The following BCL2L14 variants were observed in gnomAD, a reference collection of about 807,000 sequenced individuals.
BCL2L14 encodes the protein apoptosis facilitator Bcl-2-like protein 14.
A neutral mutation model predicts 35.3 loss-of-function variants in BCL2L14; 27 were observed. The observed-to-expected ratio is 0.76, with a 90% confidence interval of 0.56 to 1.05. The LOEUF is 1.05. BCL2L14 is among the 50% of genes least tolerant of loss of function. The pLI is 0.00. For synonymous variants in BCL2L14, 139 were observed against 145.9 expected (o/e 0.95, Z 0.34); for missense variants, 377 against 382.6 (o/e 0.99, Z 0.12).
At chr12:12,090,650 A>C (rs999305801) in intron 3 of BCL2L14, 129 bp from the exon 4 acceptor site, 2 of 560,362 alleles carry the variant, frequency 3.6e-6, no homozygotes, top group Non-Finnish European at 6.0e-6. Context: ...AAAAAATAAA[A>C]AAAAAAAAAA....
intron 2 of BCL2L14, among the ~76,000 whole-genome samples, chr12:12,060,200 C>A (rs1468359948): frequency 2.0e-5 from 3 of 151,336 alleles, no homozygotes; most frequent in Non-Finnish European, 1.5e-5. Context: ...CCATGACTAG[C>A]CCTCCCCCTC....
At chr12:12,089,657 C>T (rs944693494) in intron 3 of BCL2L14, among the ~76,000 whole-genome samples, 9 of 152,264 alleles carry the variant, frequency 5.9e-5, no homozygotes, top group Non-Finnish European at 1.2e-4. Context: ...AAGATCGTGC[C>T]ACTGCACTCC....
chr12:12,076,501 T>C (rs1948784129), intron 1 of BCL2L14, among the ~76,000 whole-genome samples: 1 of 152,108 alleles, frequency 6.6e-6, no homozygotes, highest in African/African-American at 2.4e-5. Context: ...TTTGCTTACA[T>C]CCAGTTATGT....
intron 2 of BCL2L14, among the ~76,000 whole-genome samples, chr12:12,063,477 G>A (rs2618367): frequency 0.82 from 120,509 of 146,514 alleles, 49,701 homozygotes; most frequent in East Asian, 0.92. Flanking sequence ...TCTTCTAACA[G>A]CCCCACAATA....
chr12:12,096,445 AAAAC>A lies in BCL2L14; in HGVS notation c.945+1518_945+1521del, dbSNP rs200347478. Among the ~76,000 whole-genome samples, 634 of 143,190 alleles carry A rather than the reference AAAAC, an allele frequency of 4.4e-3. 6 individuals carry two copies. The highest frequency in any genetic ancestry group is 7.3e-3 in the Non-Finnish European group (472 of 64,260). 93.9% of individuals were successfully genotyped at this position (143,190 alleles called of 152,430 possible). A position where few individuals can be genotyped will look rare whatever the true frequency, so the allele number is the denominator to read the frequency against. ...CCACCAAGAATGTGAAAAAAAAAAA[AAAAC>A]AACCCACAGAATGGGGAAAAATACT... On this transcript the variant is annotated intron_variant, in intron 5 of 5. Coordinates refer to ENST00000308721, the MANE Select transcript of BCL2L14 (RefSeq NM_138723.2).
At chr12:12,073,370 G>A (rs7308782) in intron 1 of BCL2L14, among the ~76,000 whole-genome samples, 21,488 of 151,904 alleles carry the variant, frequency 0.14, 1,536 homozygotes, top group Admixed American at 0.18. Context: ...TTTGCCTGTC[G>A]ACTGGGCCAA....
intron 3 of BCL2L14, among the ~76,000 whole-genome samples, chr12:12,089,154 G>C (rs1304851266): frequency 1.3e-5 from 2 of 152,186 alleles, no homozygotes; most frequent in African/African-American, 4.8e-5. Flanking sequence ...ATCGCCTGAG[G>C]TCAGGCGTTC....
chr12:12,089,670 C>T (rs1949133519), intron 3 of BCL2L14, among the ~76,000 whole-genome samples: 1 of 152,194 alleles, frequency 6.6e-6, no homozygotes, highest in South Asian at 2.1e-4. Flanking sequence ...TGCACTCCAG[C>T]CTGGGTGACA....
At chr12:12,091,825 G>C (rs887412135) in intron 4 of BCL2L14, among the ~76,000 whole-genome samples, 3 of 152,164 alleles carry the variant, frequency 2.0e-5, no homozygotes, top group Non-Finnish European at 4.4e-5. Context: ...AGATGGAACA[G>C]GATCATGATT....
intron 2 of BCL2L14, among the ~76,000 whole-genome samples, chr12:12,085,348 A>T (rs951678216): frequency 6.6e-6 from 1 of 152,208 alleles, no homozygotes; most frequent in Non-Finnish European, 1.5e-5. Flanking sequence ...TCTCCTGAGG[A>T]CATGGCCAGG....
chr12:12,094,669 G>T lies in BCL2L14; in HGVS notation c.684G>T (p.Lys228Asn). The T allele has an allele frequency of 6.2e-7, 1 of 1,614,186 alleles. No homozygotes were observed. Among genetic ancestry groups the T allele is most frequent in the Non-Finnish European group, 8.5e-7 (1 of 1,180,024 alleles). Reference protein sequence around the residue: ...YSGDQLERKLKKDKALMGHFQ... With the variant: ...YSGDQLERKLNKDKALMGHFQ... ...GCTTATTCTTTTGTACACAGCTGAAGAAAGATAAGGCTTTGATGGGCCACT... is the reference window on the plus strand; with the variant it reads ...GCTTATTCTTTTGTACACAGCTGAATAAAGATAAGGCTTTGATGGGCCACT... Residue 228 changes from lysine to asparagine, a missense_variant, in exon 5 of 6, where the codon AAG becomes AAT. Transcript: ENST00000308721.
chr12:12,053,576 A>C (rs1187524343), intron 2 of BCL2L14, among the ~76,000 whole-genome samples: 1 of 152,094 alleles, frequency 6.6e-6, no homozygotes, highest in Non-Finnish European at 1.5e-5. Context: ...ATGTGCCACC[A>C]CACCCGGCTA....
upstream of BCL2L14, among the ~76,000 whole-genome samples, chr12:12,068,835 G>A (rs1444692015): frequency 6.6e-6 from 1 of 152,088 alleles, no homozygotes; most frequent in Non-Finnish European, 1.5e-5. Context: ...AATAAAAGGG[G>A]GGCTACTCCA....
At chr12:12,065,021 G>C (rs991180913) in intron 2 of BCL2L14, among the ~76,000 whole-genome samples, 1 of 152,204 alleles carries the variant, frequency 6.6e-6, no homozygotes, top group Non-Finnish European at 1.5e-5. Flanking sequence ...CAGGTATAGG[G>C]GAGAAGAAAA....
intron 1 of BCL2L14, among the ~76,000 whole-genome samples, chr12:12,078,824 G>A (rs1206522058): frequency 9.2e-6 from 1 of 108,542 alleles, no homozygotes; most frequent in African/African-American, 3.4e-5. Flanking sequence ...TTGAGACGGA[G>A]TCTCACTCTG....
intron 2 of BCL2L14, among the ~76,000 whole-genome samples, chr12:12,061,643 T>C (rs1381615093): frequency 6.6e-6 from 1 of 152,102 alleles, no homozygotes; most frequent in Non-Finnish European, 1.5e-5. Flanking sequence ...TCAAACATGC[T>C]TTCTTTACTA....
At chr12:12,068,457 C>A (rs1377364528), upstream of BCL2L14, among the ~76,000 whole-genome samples, 4 of 152,082 alleles carry the variant, frequency 2.6e-5, no homozygotes, top group Non-Finnish European at 4.4e-5. Flanking sequence ...GGCTAAACTA[C>A]AATAGCATGA....
At chr12:12,056,557 C>T (rs141454075) in intron 2 of BCL2L14, among the ~76,000 whole-genome samples, 347 of 152,288 alleles carry the variant, frequency 2.3e-3, no homozygotes, top group African/African-American at 7.9e-3. Flanking sequence ...AGGCTGGGCA[C>T]GGTGGCTCAC....
upstream of BCL2L14, among the ~76,000 whole-genome samples, chr12:12,068,378 T>C (rs1948618794): frequency 6.6e-6 from 1 of 152,164 alleles, no homozygotes; most frequent in Non-Finnish European, 1.5e-5. Flanking sequence ...ATTGTTTGTT[T>C]TTCTGTTTGT....
Sources: gnomAD v4.1 joint callset for allele counts (sites outside exome capture counted in the v4.1 genomes callset) on GRCh38, gnomAD v4.1.1 for gene constraint, MANE v1.5 for transcripts, NCBI Gene and HGNC (gene_info 2026-07-23, HGNC 2026-07-21) for gene names.